The following ARHGAP19 variants were observed in gnomAD, a reference collection of about 807,000 sequenced individuals.
ARHGAP19 encodes Rho GTPase activating protein 19.
In ARHGAP19, 48 loss-of-function variants were observed where a neutral mutation model predicts 60.9. The observed-to-expected ratio is 0.79, with a 90% CI of 0.62 to 1.00. The LOEUF (loss-of-function observed/expected upper bound fraction) is 1.00, where lower values mean the gene tolerates loss of function less well. Ranked by LOEUF, ARHGAP19 falls within the 50% of genes least tolerant of loss-of-function variation. The pLI is 0.00. For synonymous variants in ARHGAP19, 209 were observed against 215.5 expected (o/e 0.97, Z 0.27); for missense variants, 562 against 597.2 (o/e 0.94, Z 0.61).
chr10:97,237,846 G>A (rs1364983579), intron 8 of ARHGAP19, among the ~76,000 whole-genome samples: 1 of 151,904 alleles, frequency 6.6e-6, no homozygotes, highest in East Asian at 1.9e-4. Flanking sequence ...ACTCCAGCCT[G>A]GGCGAAAGAG....
At chr10:97,241,988 C>T (rs1435667040) in intron 8 of ARHGAP19, among the ~76,000 whole-genome samples, 6 of 145,256 alleles carry the variant, frequency 4.1e-5, no homozygotes, top group Non-Finnish European at 7.5e-5. Flanking sequence ...CCAGCCTGGG[C>T]GACAGAGTGA....
chr10:97,246,025 C>G (rs1452569981), intron 7 of ARHGAP19, among the ~76,000 whole-genome samples: 1 of 152,098 alleles, frequency 6.6e-6, no homozygotes, highest in African/African-American at 2.4e-5. Flanking sequence ...ATTCTCCCAT[C>G]TCAGCCTCCA....
At chr10:97,266,214 G>A (rs1842897992) in intron 1 of ARHGAP19, 89 bp from the exon 2 acceptor site, 13 of 1,472,660 alleles carry the variant, frequency 8.8e-6, no homozygotes, top group Admixed American at 5.5e-5. Context: ...CTGACTCCAC[G>A]CAAAGGCAGA....
chr10:97,287,756 A>G (rs4917764), intron 1 of ARHGAP19, among the ~76,000 whole-genome samples: 5,167 of 152,064 alleles, frequency 0.034, 144 homozygotes, highest in East Asian at 0.16. Context: ...AAAAATCATA[A>G]TAAGTTTTTT....
chr10:97,234,053 G>A (rs1409735745), intron 9 of ARHGAP19, among the ~76,000 whole-genome samples: 1 of 150,540 alleles, frequency 6.6e-6, no homozygotes, highest in Non-Finnish European at 1.5e-5. Flanking sequence ...AATCACCTGA[G>A]GTCAGGAGTT....
At chr10:97,266,927 C>A (rs1439512465) in intron 1 of ARHGAP19, among the ~76,000 whole-genome samples, 1 of 152,116 alleles carries the variant, frequency 6.6e-6, no homozygotes, top group Non-Finnish European at 1.5e-5. Context: ...ACAGCCAAAC[C>A]ATATCATTCT....
At position 97,224,829 on chromosome 10, in the gene ARHGAP19, T is replaced by G. The variant is rs1319556407; in HGVS notation, c.*1293A>C. ...TCATACTAGGTCAAAGCCATGCCAC[T>G]GCTCTATCCAACACAAGTGAACACA... On this transcript the variant is annotated 3_prime_UTR_variant, in exon 12 of 12. Transcript: ENST00000358531. 6.6e-6 allele frequency: 1 copy of G among 152,354 alleles called. No individual in the cohort carries two copies. Among genetic ancestry groups the G allele is most frequent in the Admixed American group, 6.5e-5 (1 of 15,286 alleles). The allele number at this position is 152,354 out of a possible 1,614,324, so 9.4% of individuals were successfully genotyped here.
intron 6 of ARHGAP19, among the ~76,000 whole-genome samples, chr10:97,251,174 AGG>A (rs1842642046): frequency 1.1e-5 from 1 of 88,846 alleles, no homozygotes; most frequent in Non-Finnish European, 2.2e-5. Context: ...GGGAAGGGGA[AGG>A]GAAAGGGAAA....
chr10:97,245,999 C>T, intron 7 of ARHGAP19, among the ~76,000 whole-genome samples: 1 of 152,002 alleles, frequency 6.6e-6, no homozygotes, highest in Non-Finnish European at 1.5e-5. Context: ...GCACAATCAG[C>T]TCACTGTAGA....
chr10:97,260,913 G>A (rs1842821617), intron 4 of ARHGAP19, among the ~76,000 whole-genome samples: 1 of 145,590 alleles, frequency 6.9e-6, no homozygotes, highest in South Asian at 2.2e-4. Context: ...GGGCAACATG[G>A]TGAAACCCCA....
intron 1 of ARHGAP19, chr10:97,270,513 C>T: frequency 2.1e-6 from 2 of 964,762 alleles, no homozygotes; most frequent in Admixed American, 5.5e-5. Flanking sequence ...AAAGAAAAAA[C>T]TACTATATTT....
chr10:97,235,382 T>TAATA lies in ARHGAP19; in HGVS notation c.1186-71_1186-68dup, dbSNP rs1244709458. ...TCAAGACACGGCATTCTGTGACAAC[T>TAATA]AATAGCTAAGTGTAAATAAAAGTCC... On this transcript the variant is annotated intron_variant, in intron 8 of 11. Transcript: ENST00000358531. 9 of 1,363,126 alleles carry TAATA rather than the reference T, an allele frequency of 6.6e-6. No homozygotes were observed. In the African/African-American group the frequency reaches 1.2e-4, roughly 18 times the overall value. 84.4% of individuals were successfully genotyped at this position (1,363,126 alleles called of 1,614,324 possible). A position where few individuals can be genotyped will look rare whatever the true frequency, so the allele number is the denominator to read the frequency against.
At chr10:97,284,933 A>C (rs912832073) in intron 1 of ARHGAP19, among the ~76,000 whole-genome samples, 7 of 133,462 alleles carry the variant, frequency 5.2e-5, no homozygotes, top group African/African-American at 2.0e-4. Flanking sequence ...GTGTGATCTT[A>C]GCTCACCACA....
At chr10:97,239,551 GGTGTGTGTGTGTGTGTGT>G (rs201308961) in intron 8 of ARHGAP19, among the ~76,000 whole-genome samples, 34 of 20,288 alleles carry the variant, frequency 1.7e-3, no homozygotes, top group Admixed American at 2.8e-3. Flanking sequence ...AGAGAGAGAG[GGTGTGTGTGTGTGTGTGT>G]GTGTGTGTGT....
At position 97,250,545 on chromosome 10, in the gene ARHGAP19, G is replaced by A. The variant is rs371423386; in HGVS notation, c.928-4208C>T. ...ACTACAGGCGCCCACCACCACGCCC[G>A]GCTAATTTTTGTAGTAGAGATGGGG... On this transcript the variant is annotated intron_variant, in intron 6 of 11. Transcript: ENST00000358531. Among the ~76,000 whole-genome samples the A allele has an allele frequency of 2.5e-3, 371 of 151,422 alleles. 1 individual carries two copies. The highest frequency in any genetic ancestry group is 9.2e-3 in the South Asian group (44 of 4,790).
intron 8 of ARHGAP19, among the ~76,000 whole-genome samples, chr10:97,236,534 C>A (rs562603737): frequency 6.6e-6 from 1 of 152,072 alleles, no homozygotes; most frequent in Middle Eastern, 3.2e-3. Context: ...AAGGTAAATT[C>A]TCTCATATCC....
intron 9 of ARHGAP19, among the ~76,000 whole-genome samples, chr10:97,231,029 C>T (rs926111015): frequency 1.4e-4 from 3 of 21,456 alleles, no homozygotes; most frequent in African/African-American, 2.5e-4. Context: ...TGCACTCCAG[C>T]CTGCACACCT....
chr10:97,267,956 T>C (rs1430772527), intron 1 of ARHGAP19, among the ~76,000 whole-genome samples: 1 of 152,264 alleles, frequency 6.6e-6, no homozygotes, highest in Admixed American at 6.5e-5. Context: ...GTCTTGGAAA[T>C]TAGCATTTGG....
At chr10:97,229,370 G>A in intron 10 of ARHGAP19, 145 bp from the exon 11 acceptor site, 1 of 718,952 alleles carries the variant, frequency 1.4e-6, no homozygotes, top group Middle Eastern at 2.6e-4. Flanking sequence ...AATCTTAACT[G>A]ATTTACTGCT....
Sources: allele counts gnomAD v4.1 joint callset (sites outside exome capture counted in the v4.1 genomes callset), GRCh38; gene constraint gnomAD v4.1.1; transcripts MANE v1.5; gene names NCBI Gene and HGNC (gene_info 2026-07-23, HGNC 2026-07-21).